The following WDR19 variants were observed in gnomAD, a reference collection of about 807,000 sequenced individuals.
WDR19 encodes the protein WD repeat domain 19.
In WDR19, 121 loss-of-function variants were observed where a neutral mutation model predicts 180.0. The ratio of observed to expected loss-of-function variants is 0.67; its 90% CI spans 0.58 to 0.78. The LOEUF is 0.78. Among genes scored for constraint, WDR19 ranks in the 30% least tolerant of loss-of-function variants. The probability of loss-of-function intolerance (pLI) is 0.00; values close to 1 mark genes in which losing one functional copy is unlikely to be tolerated. For synonymous variants in WDR19, 497 were observed against 540.7 expected (o/e 0.92, Z 1.12); for missense variants, 1,450 against 1,640.7 (o/e 0.88, Z 2.01).
intron 5 of WDR19, among the ~76,000 whole-genome samples, chr4:39,195,366 C>CAA (rs10710164): frequency 2.2e-5 from 3 of 135,628 alleles, no homozygotes; most frequent in African/African-American, 5.7e-5. Context: ...GACTTCATCT[C>CAA]AAAAAAAAAA....
At chr4:39,278,703 GC>G in intron 36 of WDR19, 40 bp downstream of exon 36, 1 of 1,302,462 alleles carries the variant, frequency 7.7e-7, no homozygotes, top group Non-Finnish European at 1.1e-6. Flanking sequence ...GGGCGCAAGG[GC>G]CCACAGCGTG....
chr4:39,230,882 T>C (rs1258886935), intron 17 of WDR19, among the ~76,000 whole-genome samples: 1 of 152,216 alleles, frequency 6.6e-6, no homozygotes, highest in Non-Finnish European at 1.5e-5. Context: ...TGTTCATGTT[T>C]TAAACCAGAG....
At chr4:39,278,961 A>AT (rs397933179) in intron 36 of WDR19, among the ~76,000 whole-genome samples, 50,923 of 151,242 alleles carry the variant, frequency 0.34, 8,654 homozygotes, top group African/African-American at 0.38. Flanking sequence ...TAATAAAAGT[A>AT]TTTTTTTTTA....
At chr4:39,195,264 G>A (rs1577844981) in intron 5 of WDR19, among the ~76,000 whole-genome samples, 1 of 151,994 alleles carries the variant, frequency 6.6e-6, no homozygotes, top group Admixed American at 6.6e-5. Context: ...CTACTCGGGA[G>A]GCTGAGGCAG....
chr4:39,203,021 A>C (rs555659519), intron 6 of WDR19, among the ~76,000 whole-genome samples: 1 of 152,168 alleles, frequency 6.6e-6, no homozygotes, highest in Admixed American at 6.5e-5. Context: ...GAGCTACCAA[A>C]TGACCTAACA....
At chr4:39,277,995 A>C in intron 34 of WDR19, 136 bp from the exon 35 acceptor site, 1 of 699,750 alleles carries the variant, frequency 1.4e-6, no homozygotes, top group South Asian at 1.8e-5. Context: ...TGGAGGTTGC[A>C]GACAGCCAAC....
rs748425573 is a variant in WDR19 at position 39,277,089 on chromosome 4, G to C, written c.3786G>C (p.Glu1262Asp). The C allele has an allele frequency of 1.9e-6, 3 of 1,613,920 alleles. No homozygotes were observed. The highest frequency in any genetic ancestry group is 3.3e-5 in the Admixed American group (2 of 60,024). Reference protein sequence around the residue: ...PCPFCKFLLPECELLCPGCKN... With the variant: ...PCPFCKFLLPDCELLCPGCKN... ...CATTCTGCAAATTTCTTCTCCCAGA[G>C]TGTGAACTCCTCTGTCCTGGATGTA... is the stretch of plus-strand genomic sequence containing the variant. The change falls in exon 34 of 37, where the codon GAG becomes GAC. Residue 1262 changes from glutamate (E) to aspartate (D), a missense_variant. Physicochemically the swap from Glu to Asp is conservative, Grantham distance 45. Coordinates refer to ENST00000399820, the MANE Select transcript of WDR19 (RefSeq NM_025132.4).
At chr4:39,252,621 T>G (rs1577998528) in intron 24 of WDR19, among the ~76,000 whole-genome samples, 2 of 152,198 alleles carry the variant, frequency 1.3e-5, no homozygotes, top group East Asian at 3.9e-4. Flanking sequence ...GGAGATTTAA[T>G]ACCCTTTTAA....
intron 2 of WDR19, 61 bp downstream of exon 2, chr4:39,185,878 T>C: frequency 3.2e-6 from 4 of 1,256,190 alleles, no homozygotes; most frequent in Middle Eastern, 1.9e-4. Context: ...CACCATCTAC[T>C]CAGTAGAAGT....
At chr4:39,220,227 A>G (rs1729516559) in intron 14 of WDR19, among the ~76,000 whole-genome samples, 1 of 152,138 alleles carries the variant, frequency 6.6e-6, no homozygotes, top group African/African-American at 2.4e-5. Context: ...CTGAAAAGCA[A>G]ACAAACAAAC....
chr4:39,283,229 T>A (rs927471846), intron 36 of WDR19, among the ~76,000 whole-genome samples: 3 of 152,214 alleles, frequency 2.0e-5, no homozygotes, highest in Non-Finnish European at 2.9e-5. Context: ...AATCCATTTA[T>A]ATGGTAAGGT....
intron 7 of WDR19, 65 bp from the exon 8 acceptor site, chr4:39,205,089 G>T (rs981829389): frequency 2.5e-6 from 3 of 1,182,024 alleles, no homozygotes; most frequent in African/African-American, 1.5e-5. Context: ...TGTTGGATTT[G>T]CTTAATGGTC....
chr4:39,255,624 C>T (rs1733670917), intron 26 of WDR19, among the ~76,000 whole-genome samples: 1 of 151,830 alleles, frequency 6.6e-6, no homozygotes, highest in Non-Finnish European at 1.5e-5. Flanking sequence ...TTGTAATTTC[C>T]TCTCCTGGTT....
rs554192739 is a variant in WDR19 at position 39,203,757 on chromosome 4, T to G, written c.603+35T>G. ...CTAATCAAATCCACGTGCAAATCATTTGGGTAATTTTGTGGAATGTATAAT... is the reference window on the plus strand; with the variant it reads ...CTAATCAAATCCACGTGCAAATCATGTGGGTAATTTTGTGGAATGTATAAT... On this transcript the variant is annotated intron_variant, in intron 7 of 36. Coordinates refer to ENST00000399820, the MANE Select transcript of WDR19 (RefSeq NM_025132.4). 8.8e-5 allele frequency: 137 copies of G among 1,558,846 alleles called. 2 individuals are homozygous for G. The South Asian group carries it at 1.5e-3, about 17-fold the overall frequency.
intron 20 of WDR19, among the ~76,000 whole-genome samples, chr4:39,239,420 T>C (rs969447487): frequency 1.3e-5 from 2 of 149,394 alleles, no homozygotes; most frequent in African/African-American, 2.5e-5. Flanking sequence ...TATATATTCT[T>C]GTAAATATTG....
intron 36 of WDR19, among the ~76,000 whole-genome samples, chr4:39,283,656 A>T (rs1736818745): frequency 6.6e-6 from 1 of 152,002 alleles, no homozygotes; most frequent in Admixed American, 6.5e-5. Context: ...TAATACAATG[A>T]TATAATTTTT....
rs1418611339 is a variant in WDR19 at position 39,240,311 on chromosome 4, A to G, written c.2398A>G (p.Lys800Glu). 7.0e-7 allele frequency: 1 copy of G among 1,438,836 alleles called. No homozygotes were observed. Among genetic ancestry groups the G allele is most frequent in the Non-Finnish European group, 9.2e-7 (1 of 1,092,662 alleles). 89.1% of individuals were successfully genotyped at this position (1,438,836 alleles called of 1,614,324 possible). A position where few individuals can be genotyped will look rare whatever the true frequency, so the allele number is the denominator to read the frequency against. The change falls in exon 21 of 37, where the codon AAA becomes GAA. Residue 800 changes from lysine to glutamate, a missense_variant. Physicochemically the swap from Lys to Glu is moderately conservative, Grantham distance 56. Coordinates refer to ENST00000399820, the MANE Select transcript of WDR19 (RefSeq NM_025132.4). ...TGTAAATGCTTTGGCTCATTATGAG[A>G]AAGGAATAACAGGTGATAATAAGGT... is the stretch of plus-strand genomic sequence containing the variant. Reference protein sequence around the residue: ...DYVNALAHYEKGITGDNKEHD... With the variant: ...DYVNALAHYEEGITGDNKEHD...
At position 39,234,779 on chromosome 4, in the gene WDR19, T is replaced by G; in HGVS notation, c.2267T>G (p.Leu756Ter). ...PIAALEMRRD[L>*]QHWDSALQLA... ...TCTTCTTAACAGATGAGAAGGGATT[T>G]ACAGCATTGGGACAGTGCTCTACAA... Residue 756 changes from leucine to a stop codon, truncating the protein, a stop_gained, in exon 20 of 37, where the codon TTA becomes TGA. Transcript: ENST00000399820. LOFTEE classifies it high-confidence loss of function. The G allele has an allele frequency of 1.3e-6, 2 of 1,577,830 alleles. No homozygotes were observed. Among genetic ancestry groups the G allele is most frequent in the Non-Finnish European group, 1.7e-6 (2 of 1,160,360 alleles).
intron 34 of WDR19, among the ~76,000 whole-genome samples, chr4:39,277,828 C>T (rs1578059706): frequency 6.6e-6 from 1 of 152,028 alleles, no homozygotes; most frequent in East Asian, 1.9e-4. Flanking sequence ...CCGAGGCAGG[C>T]GGATCATTTG....
Sources: allele counts gnomAD v4.1 joint callset (sites outside exome capture counted in the v4.1 genomes callset), GRCh38; gene constraint gnomAD v4.1.1; transcripts MANE v1.5; gene names NCBI Gene and HGNC (gene_info 2026-07-23, HGNC 2026-07-21).